Variants in KCNK2 observed in about 807,000 individuals in gnomAD.
KCNK2 encodes the protein potassium channel subfamily K member 2.
KCNK2 carries 21 observed loss-of-function variants against 40.5 expected under a neutral mutation model. That is an observed-to-expected ratio of 0.52 (90% CI 0.37 to 0.75). The LOEUF is 0.75. KCNK2 is among the 30% of genes least tolerant of loss of function. The pLI is 0.00. For synonymous variants in KCNK2, 191 were observed against 202.2 expected, an observed-to-expected ratio of 0.94 and a Z score of 0.47; for missense variants, 399 against 531.6, an observed-to-expected ratio of 0.75 and a Z score of 2.45.
At chr1:215,027,579 T>C (rs1657042282) in intron 1 of KCNK2, among the ~76,000 whole-genome samples, 1 of 152,170 alleles carries the variant, frequency 6.6e-6, no homozygotes, top group South Asian at 2.1e-4. Flanking sequence ...AAACCCTACT[T>C]GGCCAGTTTG....
Position 215,200,552 on chromosome 1 carries a change from CCATTGAA to C in KCNK2, c.963+5461_963+5467del, listed in dbSNP as rs1558135830. On this transcript the variant is annotated intron_variant, in intron 6 of 6. Coordinates refer to ENST00000444842, the MANE Select transcript of KCNK2 (RefSeq NM_001017425.3). ...ACTTTATTCAGAAAACTTTAGGGAG[CCATTGAA>C]GGATTTTAAGTAAGTGGAATGAATG... 3.9e-4 allele frequency among the ~76,000 whole-genome samples: 5 copies of C among 12,910 alleles called. No homozygotes were observed. The Non-Finnish European group carries it at 0.013, about 33-fold the overall frequency. The allele number at this position is 12,910 out of a possible 152,430, so 8.5% of individuals were successfully genotyped here. A position where few individuals can be genotyped will look rare whatever the true frequency, so the allele number is the denominator to read the frequency against.
chr1:215,131,745 A>G (rs1051474999), intron 3 of KCNK2, among the ~76,000 whole-genome samples: 4 of 151,976 alleles, frequency 2.6e-5, no homozygotes, highest in Non-Finnish European at 4.4e-5. Flanking sequence ...TCTTAATGAA[A>G]AACTTAATTT....
chr1:215,209,028 T>C (rs532566179), intron 6 of KCNK2, among the ~76,000 whole-genome samples: 1 of 151,388 alleles, frequency 6.6e-6, no homozygotes, highest in Non-Finnish European at 1.5e-5. Flanking sequence ...GGTATCACCA[T>C]GTTGGCCAGG....
chr1:215,041,560 C>T (rs1558066333), intron 1 of KCNK2, among the ~76,000 whole-genome samples: 1 of 152,150 alleles, frequency 6.6e-6, no homozygotes, highest in East Asian at 1.9e-4. Context: ...ACTGTGGACA[C>T]TCAAGAAAAT....
chr1:215,098,237 C>T (rs1660063344), intron 2 of KCNK2, among the ~76,000 whole-genome samples: 1 of 151,810 alleles, frequency 6.6e-6, no homozygotes, highest in South Asian at 2.1e-4. Flanking sequence ...TCATAATTTA[C>T]CATGGGTGGC....
chr1:215,113,297 A>C (rs1660781916), intron 2 of KCNK2, among the ~76,000 whole-genome samples: 1 of 152,198 alleles, frequency 6.6e-6, no homozygotes. Context: ...AGCTATATGC[A>C]AGGTGAGGCA....
chr1:215,228,075 A>G (rs1432854946), intron 6 of KCNK2, among the ~76,000 whole-genome samples: 1 of 152,246 alleles, frequency 6.6e-6, no homozygotes, highest in African/African-American at 2.4e-5. Context: ...TGCGGAATTC[A>G]GTAAAGATTT....
chr1:215,044,807 G>GTC lies in KCNK2; in HGVS notation c.34+38853_34+38854insCT, dbSNP rs1657692592. On this transcript the variant is annotated intron_variant, in intron 1 of 6. Transcript: ENST00000391895. ...TGGGGATAAGTGTATGTGTGTGTGT[G>GTC]TGTGTGTGTGTGTGTGTGTGCGCGC... 5.9e-5 allele frequency among the ~76,000 whole-genome samples: 3 copies of GTC among 51,080 alleles called. No homozygotes were observed. In the East Asian group the frequency reaches 2.3e-3, roughly 38 times the overall value. 33.5% of individuals were successfully genotyped at this position (51,080 alleles called of 152,430 possible).
intron 1 of KCNK2, among the ~76,000 whole-genome samples, chr1:215,026,542 G>C (rs1472651378): frequency 2.0e-5 from 3 of 151,690 alleles, no homozygotes; most frequent in African/African-American, 7.3e-5. Context: ...ATAACCCCTG[G>C]ACCAATATCC....
chr1:215,193,680 T>C (rs1664754241), intron 5 of KCNK2, among the ~76,000 whole-genome samples: 1 of 152,212 alleles, frequency 6.6e-6, no homozygotes, highest in African/African-American at 2.4e-5. Context: ...TCTCTGCCAC[T>C]AGATCTTTCT....
At chr1:215,147,440 G>A (rs1202276682) in intron 3 of KCNK2, among the ~76,000 whole-genome samples, 1 of 152,178 alleles carries the variant, frequency 6.6e-6, no homozygotes, top group African/African-American at 2.4e-5. Flanking sequence ...ATATTGTCTT[G>A]TAATTAGAAT....
chr1:215,185,510 C>A (rs1250380569), intron 5 of KCNK2, among the ~76,000 whole-genome samples: 4 of 152,102 alleles, frequency 2.6e-5, no homozygotes, highest in Non-Finnish European at 4.4e-5. Context: ...AAAAGAATTG[C>A]CTCATATAGT....
At chr1:215,095,646 G>GTTGCGTTTTT (rs1379564707) in intron 2 of KCNK2, among the ~76,000 whole-genome samples, 1 of 152,010 alleles carries the variant, frequency 6.6e-6, no homozygotes, top group Non-Finnish European at 1.5e-5. Context: ...ATGTTATGGG[G>GTTGCGTTTTT]TTGCGTTTTT....
At position 215,048,148 on chromosome 1, in the gene KCNK2, A is replaced by T. The variant is rs994083651; in HGVS notation, c.35-38220A>T. ...AGAAAACAGTCTTTATTTTTCCCATACTTGAATGAACACATAGCTGCGTAC... is the reference window on the plus strand; with the variant it reads ...AGAAAACAGTCTTTATTTTTCCCATTCTTGAATGAACACATAGCTGCGTAC... On this transcript the variant is annotated intron_variant, in intron 1 of 6. Transcript: ENST00000391895. Among the ~76,000 whole-genome samples, 3 of 152,144 alleles carry T rather than the reference A, an allele frequency of 2.0e-5. No individual in the cohort carries two copies. In the East Asian group the frequency reaches 5.8e-4, roughly 29 times the overall value.
chr1:215,194,852 A>G lies in KCNK2; in HGVS notation c.824-101A>G, dbSNP rs1664798613. 4.3e-6 allele frequency: 4 copies of G among 932,300 alleles called. No individual in the cohort carries two copies. The Admixed American group carries it at 8.7e-5, about 20-fold the overall frequency. The allele number at this position is 932,300 out of a possible 1,614,324, so 57.8% of individuals were successfully genotyped here. A position where few individuals can be genotyped will look rare whatever the true frequency, so the allele number is the denominator to read the frequency against. On this transcript the variant is annotated intron_variant, in intron 5 of 6. Coordinates refer to ENST00000444842, the MANE Select transcript of KCNK2 (RefSeq NM_001017425.3). ...CCATTGATAAGAATACTAGATTTCT[A>G]TGTTTTGCAAACCAAAATTTAGTTA...
At chr1:215,177,560 T>A (rs1271793711) in intron 5 of KCNK2, among the ~76,000 whole-genome samples, 1 of 151,368 alleles carries the variant, frequency 6.6e-6, no homozygotes, top group African/African-American at 2.4e-5. Context: ...TCCAGTTTCA[T>A]CCTTCTTTAT....
chr1:215,063,018 G>A (rs915215819), intron 1 of KCNK2, among the ~76,000 whole-genome samples: 2 of 152,116 alleles, frequency 1.3e-5, no homozygotes, highest in African/African-American at 4.8e-5. Context: ...TGTGAGAGAA[G>A]GAAAAACAGG....
At chr1:215,177,740 A>ATTTTTT (rs375712483) in intron 5 of KCNK2, among the ~76,000 whole-genome samples, 19 of 101,580 alleles carry the variant, frequency 1.9e-4, no homozygotes, top group East Asian at 8.5e-4. Flanking sequence ...ATATATATAT[A>ATTTTTT]TTTTTTTTTT....
At chr1:215,020,676 A>G (rs2601619) in intron 1 of KCNK2, among the ~76,000 whole-genome samples, 66,771 of 152,022 alleles carry the variant, frequency 0.44, 16,355 homozygotes, top group Non-Finnish European at 0.55. Flanking sequence ...TCCACCCACC[A>G]CAGCCTCTCA....
Sources: gnomAD v4.1 joint callset for allele counts (sites outside exome capture counted in the v4.1 genomes callset) on GRCh38, gnomAD v4.1.1 for gene constraint, MANE v1.5 for transcripts, NCBI Gene and HGNC (gene_info 2026-07-23, HGNC 2026-07-21) for gene names.